The following PTPRK variants were observed in gnomAD, a reference collection of about 807,000 sequenced individuals.
The protein encoded by PTPRK is receptor-type tyrosine-protein phosphatase kappa.
PTPRK carries 75 observed loss-of-function variants against 178.0 expected under a neutral mutation model. The observed-to-expected ratio is 0.42, with a 90% CI of 0.35 to 0.51. The LOEUF is 0.51. PTPRK is among the 20% of genes least tolerant of loss of function. PTPRK has a pLI of 0.02. For synonymous variants in PTPRK, 637 were observed against 620.6 expected (o/e 1.03, Z -0.39); for missense variants, 1,441 against 1,797.8 (o/e 0.80, Z 3.59).
intron 7 of PTPRK, among the ~76,000 whole-genome samples, chr6:128,100,107 G>A (rs1788540475): frequency 6.6e-6 from 1 of 151,894 alleles, no homozygotes; most frequent in Non-Finnish European, 1.5e-5. Flanking sequence ...AGTAAACACA[G>A]TGAAAATGTG....
At chr6:128,114,786 C>G (rs772062439) in intron 7 of PTPRK, among the ~76,000 whole-genome samples, 4 of 151,500 alleles carry the variant, frequency 2.6e-5, no homozygotes, top group Non-Finnish European at 5.9e-5. Context: ...AAACATATTA[C>G]AGGTATACAG....
intron 1 of PTPRK, among the ~76,000 whole-genome samples, chr6:128,413,553 G>A (rs991063039): frequency 6.6e-6 from 1 of 152,128 alleles, no homozygotes; most frequent in Admixed American, 6.6e-5. Flanking sequence ...CAGGACTTCT[G>A]TGATATCAAT....
intron 1 of PTPRK, among the ~76,000 whole-genome samples, chr6:128,452,199 T>C (rs1847879960): frequency 6.6e-6 from 1 of 152,194 alleles, no homozygotes; most frequent in Non-Finnish European, 1.5e-5. Flanking sequence ...TCTTATTTCA[T>C]GTGTTTTCAT....
intron 7 of PTPRK, among the ~76,000 whole-genome samples, chr6:128,170,620 T>C (rs753002582): frequency 6.6e-6 from 1 of 152,044 alleles, no homozygotes; most frequent in Non-Finnish European, 1.5e-5. Flanking sequence ...TGAGAATTCA[T>C]GGTCATCTCT....
At chr6:128,292,000 G>A (rs1369535312) in intron 3 of PTPRK, among the ~76,000 whole-genome samples, 1 of 152,018 alleles carries the variant, frequency 6.6e-6, no homozygotes, top group Non-Finnish European at 1.5e-5. Flanking sequence ...TCATGAAAGA[G>A]AAATAAAATA....
intron 2 of PTPRK, among the ~76,000 whole-genome samples, chr6:128,379,092 C>T (rs991195979): frequency 6.6e-6 from 1 of 152,064 alleles, no homozygotes; most frequent in Non-Finnish European, 1.5e-5. Flanking sequence ...TATCTTTCTA[C>T]TAGTCTGTCT....
chr6:128,382,158 A>C (rs1380545257), intron 2 of PTPRK, among the ~76,000 whole-genome samples: 2 of 150,804 alleles, frequency 1.3e-5, no homozygotes, highest in Non-Finnish European at 3.0e-5. Context: ...TCTCAAAAAA[A>C]AAAAAAAAAA....
chr6:127,994,544 G>A (rs1776933581), intron 18 of PTPRK, among the ~76,000 whole-genome samples: 2 of 151,898 alleles, frequency 1.3e-5, no homozygotes, highest in Middle Eastern at 3.4e-3. Flanking sequence ...GAGGTACAGA[G>A]AGAGAAGTAA....
At chr6:128,102,368 A>C (rs1788936549) in intron 7 of PTPRK, among the ~76,000 whole-genome samples, 1 of 152,216 alleles carries the variant, frequency 6.6e-6, no homozygotes, top group Non-Finnish European at 1.5e-5. Context: ...TTAATGTAAT[A>C]AAGTCAAAGC....
intron 5 of PTPRK, among the ~76,000 whole-genome samples, chr6:128,223,038 A>G (rs966545131): frequency 6.6e-6 from 1 of 152,130 alleles, no homozygotes; most frequent in Non-Finnish European, 1.5e-5. Context: ...AAGATTATAA[A>G]AACTTATTAA....
In PTPRK at chr6:127,993,124, T is replaced by TA. The variant is rs946341415; in HGVS notation, c.2845-416dup. ...AATGGACGAGGACATATTAGAACCA[T>TA]AAAAAAATAACAGAACATTCCAATG... On this transcript the variant is annotated intron_variant, in intron 18 of 29. Coordinates refer to ENST00000368226, the MANE Select transcript of PTPRK (RefSeq NM_002844.4). Among the ~76,000 whole-genome samples, 6 of 151,756 alleles carry TA rather than the reference T, an allele frequency of 4.0e-5. No individual in the cohort carries two copies. In the East Asian group the frequency reaches 1.2e-3, roughly 29 times the overall value.
chr6:128,143,171 A>AATCTTTT (rs2114519581), intron 7 of PTPRK, among the ~76,000 whole-genome samples: 2 of 152,170 alleles, frequency 1.3e-5, no homozygotes, highest in East Asian at 3.9e-4. Flanking sequence ...CAACAGCAAA[A>AATCTTTT]GATTGACATT....
intron 3 of PTPRK, among the ~76,000 whole-genome samples, chr6:128,310,853 T>G (rs1827140949): frequency 6.6e-6 from 1 of 152,200 alleles, no homozygotes; most frequent in Non-Finnish European, 1.5e-5. Context: ...CTTGGCATAT[T>G]GGACACAGAA....
At position 127,995,504 on chromosome 6, in the gene PTPRK, C is replaced by A; in HGVS notation, c.2802G>T (p.Glu934Asp). Reference sequence around the variant, plus strand: ...TAATATAATCTGAGGAAGGATCATCCTCTACGGGTTGCAAAATCACTCTGG... The same window carrying A: ...TAATATAATCTGAGGAAGGATCATCATCTACGGGTTGCAAAATCACTCTGG... ...DHSRVILQPVEDDPSSDYINA... is the reference protein window; with the variant it reads ...DHSRVILQPVDDDPSSDYINA... The change falls in exon 18 of 30, where the codon GAG becomes GAT. Residue 934 changes from glutamate (E) to aspartate (D), a missense_variant. Physicochemically the swap from Glu to Asp is conservative, Grantham distance 45 (BLOSUM62 2). Around this residue, in one of 4 missense-constraint regions of PTPRK, gnomAD observed 945 missense variants for 1,080.6 expected, o/e 0.87. Transcript: ENST00000368226. 1 of 1,599,042 alleles carries A rather than the reference C, an allele frequency of 6.3e-7. No individual in the cohort carries two copies.
At position 128,117,660 on chromosome 6, in the gene PTPRK, TA is replaced by T. The variant is rs199864750; in HGVS notation, c.1163-27669del. ...TCAGGATATAAATATTCATATTATT[TA>T]TGTATTTATGAGATGGAGTCTTACT... On this transcript the variant is annotated intron_variant, in intron 7 of 29. Transcript: ENST00000368226. Among the ~76,000 whole-genome samples the T allele has an allele frequency of 2.7e-3, 417 of 152,298 alleles. 2 individuals carry two copies. The highest frequency in any genetic ancestry group is 9.6e-3 in the African/African-American group (397 of 41,554).
At chr6:128,209,931 TGATGAGGCA>T in intron 6 of PTPRK, among the ~76,000 whole-genome samples, 1 of 152,006 alleles carries the variant, frequency 6.6e-6, no homozygotes, top group African/African-American at 2.4e-5. Flanking sequence ...CTTGGAGCTG[TGATGAGGCA>T]GCTGGAATTT....
intron 3 of PTPRK, among the ~76,000 whole-genome samples, chr6:128,308,409 T>G (rs1826755763): frequency 6.6e-6 from 1 of 151,736 alleles, no homozygotes; most frequent in Non-Finnish European, 1.5e-5. Flanking sequence ...GTATAAAATA[T>G]TTCACCAAAA....
intron 5 of PTPRK, 122 bp from the exon 6 acceptor site, chr6:128,219,218 C>T: frequency 1.1e-6 from 1 of 891,930 alleles, no homozygotes. Context: ...AATTTTTTTC[C>T]ATTGTCAATC....
chr6:128,397,480 A>C (rs2128368971), intron 2 of PTPRK, 86 bp downstream of exon 2: 1 of 1,514,248 alleles, frequency 6.6e-7, no homozygotes, highest in Non-Finnish European at 9.1e-7. Context: ...ATAACCATTA[A>C]ATTATTGTTG....
Sources: allele counts gnomAD v4.1 joint callset (sites outside exome capture counted in the v4.1 genomes callset), GRCh38; gene constraint gnomAD v4.1.1; regional missense constraint gnomAD v4.1.1; transcripts MANE v1.5; gene names NCBI Gene and HGNC (gene_info 2026-07-23, HGNC 2026-07-21).